Variants in DRC11 observed in about 807,000 individuals in gnomAD.
DRC11 encodes the protein dynein regulatory complex subunit 11, also known as IQ and AAA domain-containing protein 1.
the DRC11 span, among the ~76,000 whole-genome samples, chr2:236,456,992 T>G: frequency 6.6e-6 from 1 of 152,210 alleles, no homozygotes; most frequent in African/African-American, 2.4e-5. This position sits in a 1 kb window ranked among gnomAD's most constrained non-coding sequence, Gnocchi z 5.4. Flanking sequence ...CAAGGCTGGC[T>G]GTGGGCCAGG....
the DRC11 span, among the ~76,000 whole-genome samples, chr2:236,307,073 T>C: frequency 6.6e-6 from 1 of 152,128 alleles, no homozygotes; most frequent in Non-Finnish European, 1.5e-5. This position sits in a 1 kb window ranked among gnomAD's most constrained non-coding sequence, Gnocchi z 7.0. Flanking sequence ...GAGATGTTTG[T>C]CCTCAGAGTC....
chr2:236,339,933 T>G, the DRC11 span, among the ~76,000 whole-genome samples: 1 of 152,248 alleles, frequency 6.6e-6, no homozygotes, highest in Non-Finnish European at 1.5e-5. Context: ...TTTCTGCAAA[T>G]AAGCTGGCTG....
the DRC11 span, among the ~76,000 whole-genome samples, chr2:236,422,624 G>A: frequency 5.3e-5 from 8 of 152,176 alleles, no homozygotes; most frequent in African/African-American, 1.9e-4. Context: ...TGGCCATACT[G>A]CCCAAGGTAA....
the DRC11 span, among the ~76,000 whole-genome samples, chr2:236,484,600 C>CTTTTT: frequency 6.3e-3 from 860 of 137,490 alleles, 11 homozygotes; most frequent in African/African-American, 0.022. Context: ...ATATTCTTGG[C>CTTTTT]TTTTTTTTTT....
the DRC11 span, among the ~76,000 whole-genome samples, chr2:236,447,011 C>G: frequency 1.3e-5 from 2 of 151,566 alleles, no homozygotes; most frequent in Non-Finnish European, 2.9e-5. The surrounding 1 kb of genome is among the most constrained non-coding windows in gnomAD (Gnocchi z 4.6). Flanking sequence ...CCCCGTAGAT[C>G]TGCAGGATGC....
At chr2:236,448,227 C>T in the DRC11 span, among the ~76,000 whole-genome samples, 1 of 152,266 alleles carries the variant, frequency 6.6e-6, no homozygotes, top group Admixed American at 6.5e-5. The surrounding 1 kb of genome is among the most constrained non-coding windows in gnomAD (Gnocchi z 5.3). Context: ...CTCAGTAAGA[C>T]CACTGGCTGT....
the DRC11 span, among the ~76,000 whole-genome samples, chr2:236,418,930 G>A: frequency 1.3e-5 from 2 of 152,092 alleles, no homozygotes; most frequent in Admixed American, 6.6e-5. Context: ...TTGAAATCAC[G>A]ATTGATCCTA....
At chr2:236,434,537 G>A in the DRC11 span, among the ~76,000 whole-genome samples, 2 of 152,104 alleles carry the variant, frequency 1.3e-5, no homozygotes, top group African/African-American at 2.4e-5. This position sits in a 1 kb window ranked among gnomAD's most constrained non-coding sequence, Gnocchi z 5.5. Context: ...ATTTATAGAT[G>A]AGAAAACTGA....
the DRC11 span, among the ~76,000 whole-genome samples, chr2:236,471,044 C>T: frequency 1.3e-3 from 192 of 152,280 alleles, 1 homozygote; most frequent in Non-Finnish European, 2.1e-3. The surrounding 1 kb of genome is among the most constrained non-coding windows in gnomAD (Gnocchi z 4.6). Context: ...TTGCTAGGCA[C>T]TATTTTAAGT....
the DRC11 span, among the ~76,000 whole-genome samples, chr2:236,427,300 T>C: frequency 2.6e-5 from 4 of 152,162 alleles, no homozygotes; most frequent in African/African-American, 9.7e-5. This position sits in a 1 kb window ranked among gnomAD's most constrained non-coding sequence, Gnocchi z 5.9. Context: ...ATAAATGAAT[T>C]TGGAAGTATT....
the DRC11 span, chr2:236,392,158 G>T: frequency 6.7e-7 from 1 of 1,500,514 alleles, no homozygotes; most frequent in Non-Finnish European, 9.3e-7. This position sits in a 1 kb window ranked among gnomAD's most constrained non-coding sequence, Gnocchi z 5.1. Flanking sequence ...TTAAATTATG[G>T]GGTAGGTCAT....
At chr2:236,338,168 C>A in the DRC11 span, 1 of 1,594,712 alleles carries the variant, frequency 6.3e-7, no homozygotes, top group African/African-American at 1.3e-5. Flanking sequence ...AGCCCAGCCT[C>A]AGCTATCATG....
At chr2:236,366,009 C>T in the DRC11 span, among the ~76,000 whole-genome samples, 1 of 152,154 alleles carries the variant, frequency 6.6e-6, no homozygotes, top group Non-Finnish European at 1.5e-5. Flanking sequence ...AAGGAAGTGC[C>T]CCTGCATCTT....
At chr2:236,357,965 T>C in the DRC11 span, among the ~76,000 whole-genome samples, 1 of 119,502 alleles carries the variant, frequency 8.4e-6, no homozygotes, top group African/African-American at 3.5e-5. Context: ...ATATATAATA[T>C]ATGAATATAT....
chr2:236,503,732 C>G, the DRC11 span: 1 of 1,536,096 alleles, frequency 6.5e-7, no homozygotes, highest in Non-Finnish European at 8.8e-7. The surrounding 1 kb of genome is among the most constrained non-coding windows in gnomAD (Gnocchi z 4.9). Context: ...CCTGATGCCT[C>G]TCCACGTGAC....
At chr2:236,321,392 G>A in the DRC11 span, among the ~76,000 whole-genome samples, 39 of 152,188 alleles carry the variant, frequency 2.6e-4, 1 homozygote, top group Non-Finnish European at 5.0e-4. Context: ...AAAAGAGCAA[G>A]AAGGTAGAAC....
chr2:236,389,205 C>G, the DRC11 span, among the ~76,000 whole-genome samples: 6 of 152,208 alleles, frequency 3.9e-5, no homozygotes, highest in African/African-American at 9.7e-5. Context: ...TCGAGCTTCC[C>G]GGCTGCTTTG....
chr2:236,431,391 G>A, the DRC11 span, among the ~76,000 whole-genome samples: 1 of 152,298 alleles, frequency 6.6e-6, no homozygotes, highest in South Asian at 2.1e-4. This position sits in a 1 kb window ranked among gnomAD's most constrained non-coding sequence, Gnocchi z 4.2. Flanking sequence ...AGAGAGAAGT[G>A]CCGAGCAAAG....
At chr2:236,361,636 C>T in the DRC11 span, among the ~76,000 whole-genome samples, 1,674 of 151,698 alleles carry the variant, frequency 0.011, 31 homozygotes, top group African/African-American at 0.038. This position sits in a 1 kb window ranked among gnomAD's most constrained non-coding sequence, Gnocchi z 5.7. Context: ...TACAGTAATC[C>T]GTAGGCCACC....
Sources: gnomAD v4.1 joint callset for allele counts (sites outside exome capture counted in the v4.1 genomes callset) on GRCh38, gnomAD v4.1.1 for gene constraint, Gnocchi (gnomAD v3.1) non-coding constraint, MANE v1.5 for transcripts, NCBI Gene and HGNC (gene_info 2026-07-23, HGNC 2026-07-21) for gene names.